The following PRR23E variants were observed in gnomAD, a reference collection of about 807,000 sequenced individuals.
PRR23E encodes PRR23 family member E, also known as proline-rich protein 23E.
the PRR23E span, chr3:127,196,634 G>A: frequency 6.6e-7 from 1 of 1,515,740 alleles, no homozygotes; most frequent in East Asian, 2.4e-5. Context: ...AGCTTGCAGA[G>A]GAGTGCACTT....
chr3:127,198,070 G>A, the PRR23E span: 7 of 152,172 alleles, frequency 4.6e-5, no homozygotes, highest in African/African-American at 1.7e-4. Context: ...GGGTCCTTGC[G>A]GGTGTGCTCT....
At chr3:127,196,528 C>T in the PRR23E span, 3 of 1,222,496 alleles carry the variant, frequency 2.5e-6, no homozygotes, top group Non-Finnish European at 3.3e-6. Context: ...TCCCCCTCCT[C>T]CCATCCCCTC....
At chr3:127,193,626 G>C in the PRR23E span, among the ~76,000 whole-genome samples, 1 of 152,126 alleles carries the variant, frequency 6.6e-6, no homozygotes, top group African/African-American at 2.4e-5. Flanking sequence ...TGTGTTCTCT[G>C]TTCTGCCCAG....
the PRR23E span, chr3:127,197,209 G>C: frequency 6.3e-7 from 1 of 1,597,204 alleles, no homozygotes; most frequent in Non-Finnish European, 8.5e-7. Context: ...GGGCCATCCA[G>C]AGGAGCTCCC....
the PRR23E span, chr3:127,197,413 A>G: frequency 6.5e-7 from 1 of 1,542,970 alleles, no homozygotes. Flanking sequence ...TTTGAGTGCT[A>G]ATCAGCCCTC....
the PRR23E span, chr3:127,197,149 A>C: frequency 1.3e-6 from 2 of 1,594,336 alleles, no homozygotes; most frequent in African/African-American, 2.7e-5. Flanking sequence ...CACTGTCCCC[A>C]GGTGGGATGC....
At chr3:127,197,263 G>A in the PRR23E span, 1 of 1,599,466 alleles carries the variant, frequency 6.3e-7, no homozygotes, top group South Asian at 1.1e-5. Context: ...TGGGCCTCCA[G>A]GTTCGGTATT....
the PRR23E span, among the ~76,000 whole-genome samples, chr3:127,194,435 T>C: frequency 6.6e-6 from 1 of 152,216 alleles, no homozygotes; most frequent in Admixed American, 6.5e-5. Context: ...CTAGCTTGCT[T>C]TAGAGGATGA....
the PRR23E span, chr3:127,197,343 C>A: frequency 1.3e-6 from 2 of 1,596,158 alleles, no homozygotes; most frequent in Admixed American, 3.3e-5. Flanking sequence ...AGATTCTCAG[C>A]TGGACCCGGG....
the PRR23E span, chr3:127,196,605 G>C: frequency 1.4e-6 from 2 of 1,460,864 alleles, no homozygotes; most frequent in Non-Finnish European, 1.8e-6. Flanking sequence ...CAGGAGCCCC[G>C]TGAGGTGCGT....
chr3:127,195,270 T>A, the PRR23E span, among the ~76,000 whole-genome samples: 857 of 152,256 alleles, frequency 5.6e-3, 6 homozygotes, highest in African/African-American at 0.019. Flanking sequence ...TCCTTCTCCT[T>A]ACATCCATTT....
chr3:127,194,370 A>G, the PRR23E span, among the ~76,000 whole-genome samples: 4 of 152,182 alleles, frequency 2.6e-5, no homozygotes, highest in Non-Finnish European at 5.9e-5. Flanking sequence ...TAATGTTTTA[A>G]GTTTACGAAT....
chr3:127,195,961 T>G, the PRR23E span, among the ~76,000 whole-genome samples: 1 of 152,204 alleles, frequency 6.6e-6, no homozygotes, highest in African/African-American at 2.4e-5. Context: ...CCTTTGATCA[T>G]CTCTTCACTT....
chr3:127,196,937 T>C, the PRR23E span: 27 of 1,599,308 alleles, frequency 1.7e-5, no homozygotes, highest in African/African-American at 1.9e-4. Flanking sequence ...TGCTCTATGG[T>C]GGGTATCTCT....
At chr3:127,196,486 T>A in the PRR23E span, 1 of 793,704 alleles carries the variant, frequency 1.3e-6, no homozygotes, top group Admixed American at 3.0e-5. Flanking sequence ...GATGCCTTGA[T>A]CTTGGCTCTT....
chr3:127,193,647 C>A, the PRR23E span, among the ~76,000 whole-genome samples: 1 of 152,168 alleles, frequency 6.6e-6, no homozygotes, highest in Admixed American at 6.5e-5. Flanking sequence ...CTCCCAGGCC[C>A]GCCCTAGGGG....
At chr3:127,194,205 A>G in the PRR23E span, among the ~76,000 whole-genome samples, 5 of 152,224 alleles carry the variant, frequency 3.3e-5, no homozygotes, top group East Asian at 1.9e-4. Flanking sequence ...TGAGAAGCCA[A>G]CTAGGCATTT....
At chr3:127,196,549 T>A in the PRR23E span, 6 of 1,310,454 alleles carry the variant, frequency 4.6e-6, no homozygotes, top group Non-Finnish European at 6.0e-6. Flanking sequence ...CTGTGCGACC[T>A]GGTCTCCCTG....
the PRR23E span, among the ~76,000 whole-genome samples, chr3:127,194,942 C>T: frequency 6.6e-6 from 1 of 152,200 alleles, no homozygotes; most frequent in Non-Finnish European, 1.5e-5. Context: ...GGGCCCTCTG[C>T]CCTGACCTTG....
Sources: gnomAD v4.1 joint callset for allele counts (sites outside exome capture counted in the v4.1 genomes callset) on GRCh38, gnomAD v4.1.1 for gene constraint, MANE v1.5 for transcripts, NCBI Gene and HGNC (gene_info 2026-07-23, HGNC 2026-07-21) for gene names.